The following KIF21A variants were observed in gnomAD, a reference collection of about 807,000 sequenced individuals.
The protein encoded by KIF21A is kinesin family member 21A.
In KIF21A, 114 loss-of-function variants were observed where a neutral mutation model predicts 202.9. The observed-to-expected ratio is 0.56, with a 90% CI of 0.48 to 0.66. KIF21A has a LOEUF of 0.66. Among genes scored for constraint, KIF21A ranks in the 30% least tolerant of loss-of-function variants. The pLI is 0.00. For missense variants in KIF21A, 1,677 were observed against 1,994.9 expected (o/e 0.84, Z 3.04); for synonymous variants, 667 against 670.8 (o/e 0.99, Z 0.09).
chr12:39,323,911 C>A (rs559683449), intron 26 of KIF21A, among the ~76,000 whole-genome samples: 224 of 152,126 alleles, frequency 1.5e-3, no homozygotes, highest in Non-Finnish European at 2.1e-3. Flanking sequence ...GAGATTGAGA[C>A]CCTCCTGGCT....
In KIF21A at chr12:39,438,928, T is replaced by C. The variant is rs116881597; in HGVS notation, c.44+3999A>G. Among the ~76,000 whole-genome samples, 512 of 152,336 alleles carry C rather than the reference T, an allele frequency of 3.4e-3. 2 individuals carry two copies. The highest frequency in any genetic ancestry group is 3.7e-3 in the Non-Finnish European group (252 of 68,014). ...ACTGTTTGGTTCAATTCAGTATACT[T>C]AGATAATAAGAATAGATTCTACATT... On this transcript the variant is annotated intron_variant, in intron 1 of 37. Transcript: ENST00000361418.
chr12:39,440,852 A>G (rs1296401047), intron 1 of KIF21A, among the ~76,000 whole-genome samples: 1 of 152,056 alleles, frequency 6.6e-6, no homozygotes, highest in Non-Finnish European at 1.5e-5. Flanking sequence ...CATATCTACA[A>G]AAATGTATAA....
chr12:39,405,093 T>A (rs1462700456), intron 1 of KIF21A, among the ~76,000 whole-genome samples: 1 of 152,182 alleles, frequency 6.6e-6, no homozygotes, highest in Non-Finnish European at 1.5e-5. Context: ...GGCTCATGCA[T>A]ATAATCCTAG....
chr12:39,347,051 TA>T (rs1404550905), intron 11 of KIF21A, among the ~76,000 whole-genome samples: 6 of 151,598 alleles, frequency 4.0e-5, no homozygotes, highest in East Asian at 1.9e-4. Flanking sequence ...TCAATAAATC[TA>T]AAAAAAATCT....
Position 39,356,829 on chromosome 12 carries a change from T to C in KIF21A, c.1469+3A>G, listed in dbSNP as rs1565936163. On this transcript the variant is annotated splice_donor_region_variant and intron_variant, in intron 10 of 37. Coordinates refer to ENST00000361418, the MANE Select transcript of KIF21A (RefSeq NM_001173464.2). ...ATTATATGTTACAGAACATGAACTA[T>C]ACCTGAGATCTTCGATTTCTTTTAT... 8.6e-7 allele frequency: 1 copy of C among 1,159,672 alleles called. No homozygotes were observed. The highest frequency in any genetic ancestry group is 1.3e-6 in the Non-Finnish European group (1 of 768,650). 71.8% of individuals were successfully genotyped at this position (1,159,672 alleles called of 1,614,324 possible).
At chr12:39,440,831 T>C (rs181323636) in intron 1 of KIF21A, among the ~76,000 whole-genome samples, 124 of 152,048 alleles carry the variant, frequency 8.2e-4, no homozygotes, top group African/African-American at 2.9e-3. Flanking sequence ...CTGGGAAACA[T>C]AGGGAGGCCC....
At chr12:39,378,904 T>C (rs1453489174) in intron 1 of KIF21A, among the ~76,000 whole-genome samples, 2 of 152,112 alleles carry the variant, frequency 1.3e-5, no homozygotes, top group East Asian at 3.9e-4. Flanking sequence ...ACCTGGGTTT[T>C]GGAGGGTGAT....
intron 1 of KIF21A, among the ~76,000 whole-genome samples, chr12:39,407,910 T>C (rs1055964768): frequency 6.7e-6 from 1 of 149,820 alleles, no homozygotes; most frequent in African/African-American, 2.5e-5. Flanking sequence ...TATAAATATA[T>C]GCTAAATATA....
chr12:39,340,825 T>A (rs1174802695), intron 15 of KIF21A, 81 bp downstream of exon 15: 2 of 1,025,660 alleles, frequency 1.9e-6, no homozygotes, highest in Non-Finnish European at 2.9e-6. Flanking sequence ...GGCTTCTATT[T>A]TTTTTCTTCT....
intron 37 of KIF21A, among the ~76,000 whole-genome samples, chr12:39,298,634 G>A (rs2137059983): frequency 6.6e-6 from 1 of 152,206 alleles, no homozygotes; most frequent in East Asian, 1.9e-4. Flanking sequence ...TGAACCACAA[G>A]TAATCCAATT....
chr12:39,322,934 G>A, intron 26 of KIF21A, 52 bp from the exon 27 acceptor site: 13 of 1,182,130 alleles, frequency 1.1e-5, no homozygotes, highest in Non-Finnish European at 1.5e-5. Context: ...TTGCATAGAA[G>A]CTGATTAGAG....
chr12:39,329,476 G>C (rs1946300647), intron 24 of KIF21A, among the ~76,000 whole-genome samples: 1 of 151,966 alleles, frequency 6.6e-6, no homozygotes, highest in African/African-American at 2.4e-5. Flanking sequence ...AGATGAAGAA[G>C]GGGGAGAAAG....
At chr12:39,313,293 T>A (rs539123386) in intron 31 of KIF21A, among the ~76,000 whole-genome samples, 18 of 151,846 alleles carry the variant, frequency 1.2e-4, no homozygotes, top group Non-Finnish European at 1.8e-4. Flanking sequence ...CAACTTCTCG[T>A]TGAGTCTCAA....
Position 39,366,393 on chromosome 12 carries a change from G to A in KIF21A, c.860C>T (p.Thr287Ile). ...AATGCCTTCTTTTGCCCTCTCGCCT[G>A]TAGCTCCAGTACGCTTCAGTCTTTC... Reference protein sequence around the residue: ...GSERLKRTGATGERAKEGISI... With the variant: ...GSERLKRTGAIGERAKEGISI... The change falls in exon 6 of 38, where the codon ACA becomes ATA. Residue 287 changes from threonine to isoleucine, a missense_variant. Thr to Ile is a moderately conservative substitution (Grantham distance 89). This residue lies in a region of KIF21A where 966 missense variants were observed against 1,180.9 expected (regional missense o/e 0.82). Transcript: ENST00000361418. 3 of 1,614,032 alleles carry A rather than the reference G, an allele frequency of 1.9e-6. No individual in the cohort carries two copies. Among genetic ancestry groups the A allele is most frequent in the South Asian group, 1.1e-5 (1 of 91,076 alleles).
At chr12:39,416,096 G>A (rs1953557107) in intron 1 of KIF21A, among the ~76,000 whole-genome samples, 1 of 151,750 alleles carries the variant, frequency 6.6e-6, no homozygotes, top group Non-Finnish European at 1.5e-5. Flanking sequence ...TCAAGCTATT[G>A]AAGAGCCAAT....
chr12:39,359,112 T>C (rs952661539), intron 7 of KIF21A, among the ~76,000 whole-genome samples: 5 of 152,150 alleles, frequency 3.3e-5, no homozygotes, highest in Non-Finnish European at 5.9e-5. Context: ...CTTATCCTGG[T>C]AGAAAAATCA....
intron 1 of KIF21A, among the ~76,000 whole-genome samples, chr12:39,389,539 C>G (rs11171955): frequency 0.081 from 12,344 of 152,186 alleles, 639 homozygotes; most frequent in South Asian, 0.28. Flanking sequence ...CCACTGCCAC[C>G]AGTCCATAAT....
Position 39,331,713 on chromosome 12 carries a change from A to G in KIF21A, c.3130T>C (p.Phe1044Leu). 1 of 1,613,050 alleles carries G rather than the reference A, an allele frequency of 6.2e-7. No individual in the cohort carries two copies. The highest frequency in any genetic ancestry group is 8.5e-7 in the Non-Finnish European group (1 of 1,179,042). The change falls in exon 22 of 38, where the codon TTC becomes CTC. Residue 1044 changes from phenylalanine (F) to leucine (L), a missense_variant. Transcript: ENST00000361418. ...LTEARYLLDH[F>L]LSMGINKGLQ... ...ACCTTATTGATGCCCATTGACAGGA[A>G]GTGATCTAGCAGGTATCGGGCTTCT...
intron 1 of KIF21A, among the ~76,000 whole-genome samples, chr12:39,429,242 A>C (rs1223913760): frequency 6.6e-6 from 1 of 152,218 alleles, no homozygotes; most frequent in African/African-American, 2.4e-5. Context: ...ATTTCCATTA[A>C]CACACATACC....
Sources: allele counts gnomAD v4.1 joint callset (sites outside exome capture counted in the v4.1 genomes callset), GRCh38; gene constraint gnomAD v4.1.1; regional missense constraint gnomAD v4.1.1; transcripts MANE v1.5; gene names NCBI Gene and HGNC (gene_info 2026-07-23, HGNC 2026-07-21).